Variants in MROH9 observed in about 807,000 individuals in gnomAD.
The protein encoded by MROH9 is maestro heat like repeat family member 9, also known as maestro heat-like repeat-containing protein family member 9.
In MROH9, 92 loss-of-function variants were observed where a neutral mutation model predicts 98.2. The ratio of observed to expected loss-of-function variants is 0.94; its 90% CI spans 0.79 to 1.11. MROH9 has a LOEUF of 1.11. Ranked by LOEUF, MROH9 falls within the 50% of genes most tolerant of loss-of-function variation. The pLI is 0.00. For synonymous variants in MROH9, 397 were observed against 368.9 expected (o/e 1.08, Z -0.87); for missense variants, 1,057 against 1,014.8 (o/e 1.04, Z -0.57).
At chr1:170,966,960 A>C (rs1319193623) in intron 7 of MROH9, among the ~76,000 whole-genome samples, 3 of 152,142 alleles carry the variant, frequency 2.0e-5, no homozygotes, top group Non-Finnish European at 4.4e-5. Flanking sequence ...GCCTAGTCAC[A>C]TGTTTCTCTC....
At chr1:171,008,948 A>G (rs935879091) in intron 15 of MROH9, among the ~76,000 whole-genome samples, 1 of 151,602 alleles carries the variant, frequency 6.6e-6, no homozygotes. Context: ...TCTTTGGGAA[A>G]CATATACATA....
chr1:170,974,707 A>G (rs1650616138), intron 8 of MROH9, among the ~76,000 whole-genome samples: 1 of 152,144 alleles, frequency 6.6e-6, no homozygotes, highest in Admixed American at 6.5e-5. Flanking sequence ...ACGAAAATCT[A>G]GATCTACAAA....
At chr1:170,977,348 C>T (rs1309639506) in intron 8 of MROH9, among the ~76,000 whole-genome samples, 2 of 152,200 alleles carry the variant, frequency 1.3e-5, no homozygotes, top group African/African-American at 4.8e-5. Context: ...CTCAGTTCGG[C>T]ATGAGGGTAT....
intron 5 of MROH9, among the ~76,000 whole-genome samples, chr1:170,961,228 A>G (rs149702306): frequency 3.3e-5 from 5 of 152,376 alleles, no homozygotes; most frequent in African/African-American, 1.2e-4. Flanking sequence ...ATTGAAAAGT[A>G]TACGTACAAG....
intron 7 of MROH9, among the ~76,000 whole-genome samples, chr1:170,968,907 T>C (rs1219362802): frequency 1.3e-5 from 2 of 152,234 alleles, no homozygotes; most frequent in Admixed American, 6.5e-5. Flanking sequence ...GACCATATTA[T>C]TGATTTTCAA....
chr1:170,965,282 C>T (rs898629480), intron 7 of MROH9, 27 bp downstream of exon 7: 1 of 1,453,436 alleles, frequency 6.9e-7, no homozygotes, highest in Non-Finnish European at 9.7e-7. Flanking sequence ...AACAATGCCA[C>T]CTGATTCTGA....
chr1:171,048,236 G>A (rs1653528438), intron 20 of MROH9, among the ~76,000 whole-genome samples: 1 of 152,168 alleles, frequency 6.6e-6, no homozygotes, highest in South Asian at 2.1e-4. Context: ...CCTCCCTTCA[G>A]AACAGTGAGG....
At chr1:170,988,469 T>C (rs16863912) in intron 10 of MROH9, among the ~76,000 whole-genome samples, 26,685 of 151,940 alleles carry the variant, frequency 0.18, 2,794 homozygotes, top group African/African-American at 0.29. Context: ...CAAAGGAAGG[T>C]GAGATGAAGG....
At position 170,958,447 on chromosome 1, in the gene MROH9, A is replaced by G; in HGVS notation, c.73-14A>G. ...AATTCTTCTTTTTTTTTTTTTTTTTAACATGGTACTTAGGCACATAAAGTT... is the reference window on the plus strand; with the variant it reads ...AATTCTTCTTTTTTTTTTTTTTTTTGACATGGTACTTAGGCACATAAAGTT... On this transcript the variant is annotated splice_polypyrimidine_tract_variant and intron_variant, in intron 3 of 21. Transcript: ENST00000367759. The G allele has an allele frequency of 7.2e-7, 1 of 1,380,980 alleles. No homozygotes were observed. Among genetic ancestry groups the G allele is most frequent in the Non-Finnish European group, 9.8e-7 (1 of 1,017,088 alleles). The allele number at this position is 1,380,980 out of a possible 1,614,324, so 85.5% of individuals were successfully genotyped here.
chr1:171,006,831 T>TA (rs397981933), intron 15 of MROH9, among the ~76,000 whole-genome samples: 34 of 146,598 alleles, frequency 2.3e-4, no homozygotes, highest in African/African-American at 8.7e-4. Context: ...ATTTTTTTTT[T>TA]AATTAAGTGT....
chr1:171,044,436 G>A (rs1334913364), intron 20 of MROH9, among the ~76,000 whole-genome samples: 1 of 152,098 alleles, frequency 6.6e-6, no homozygotes, highest in African/African-American at 2.4e-5. Flanking sequence ...CTTCTGATGT[G>A]TATTTGTCTG....
intron 15 of MROH9, among the ~76,000 whole-genome samples, chr1:171,004,747 T>C (rs963387769): frequency 6.6e-6 from 1 of 152,136 alleles, no homozygotes; most frequent in South Asian, 2.1e-4. Flanking sequence ...GGAGCTGCAA[T>C]CTAGTCCTGC....
chr1:171,031,870 G>A (rs1329006809), intron 20 of MROH9, among the ~76,000 whole-genome samples: 1 of 152,138 alleles, frequency 6.6e-6, no homozygotes, highest in Non-Finnish European at 1.5e-5. Context: ...CCTGAAGTGT[G>A]TTTTCCAGCT....
chr1:170,935,982 CAAAAAAAAAAA>C (rs59883013), intron 1 of MROH9, among the ~76,000 whole-genome samples: 3,368 of 62,472 alleles, frequency 0.054, 130 homozygotes, highest in African/African-American at 0.16. Flanking sequence ...CAGAGTGAGA[CAAAAAAAAAAA>C]AAAAAAAAAA....
intron 3 of MROH9, 52 bp from the exon 4 acceptor site, chr1:170,958,409 C>T (rs1649863740): frequency 1.8e-6 from 2 of 1,142,310 alleles, no homozygotes; most frequent in South Asian, 1.5e-5. Flanking sequence ...AGTCTCACTG[C>T]TCTGTAATCA....
At chr1:170,949,684 T>C (rs1649471840) in intron 3 of MROH9, among the ~76,000 whole-genome samples, 1 of 152,156 alleles carries the variant, frequency 6.6e-6, no homozygotes, top group South Asian at 2.1e-4. Context: ...CCAGAACATG[T>C]AGCTGGACCT....
At chr1:171,062,669 A>G (rs1257109512) in intron 21 of MROH9, among the ~76,000 whole-genome samples, 3 of 152,254 alleles carry the variant, frequency 2.0e-5, no homozygotes, top group Admixed American at 2.0e-4. Flanking sequence ...AAGAAGGGTA[A>G]TATTAGTCTA....
At chr1:171,014,009 T>A (rs551990020) in intron 15 of MROH9, 108 bp from the exon 16 acceptor site, 2 of 864,520 alleles carry the variant, frequency 2.3e-6, no homozygotes, top group South Asian at 3.5e-5. Context: ...ATTTGATGTT[T>A]TAGTGAGATT....
At chr1:171,020,791 T>G (rs7052350) in intron 17 of MROH9, among the ~76,000 whole-genome samples, 33,305 of 151,880 alleles carry the variant, frequency 0.22, 5,756 homozygotes, top group African/African-American at 0.49. Flanking sequence ...AAAAAGTAAA[T>G]GGTACTCACG....
Sources: gnomAD v4.1 joint callset for allele counts (sites outside exome capture counted in the v4.1 genomes callset) on GRCh38, gnomAD v4.1.1 for gene constraint, MANE v1.5 for transcripts, NCBI Gene and HGNC (gene_info 2026-07-23, HGNC 2026-07-21) for gene names.